YME1L1: variants seen among roughly 807,000 people sequenced by gnomAD.
The protein encoded by YME1L1 is ATP-dependent zinc metalloprotease YME1L1.
Under a neutral mutation model 90.4 loss-of-function variants are expected in YME1L1, and 39 were observed. The ratio of observed to expected loss-of-function variants is 0.43; its 90% confidence interval spans 0.33 to 0.56. YME1L1 has a LOEUF of 0.56. Ranked by LOEUF, YME1L1 falls within the 20% of genes least tolerant of loss-of-function variation. The probability of loss-of-function intolerance (pLI) is 0.03; values close to 1 mark genes in which losing one functional copy is unlikely to be tolerated. For missense variants in YME1L1, 617 were observed against 868.4 expected, an observed-to-expected ratio of 0.71 and a Z score of 3.64; for synonymous variants, 284 against 287.3, an observed-to-expected ratio of 0.99 and a Z score of 0.12.
In YME1L1 at chr10:27,112,026, G is replaced by T; in HGVS notation, c.2102C>A (p.Ala701Asp). 1 of 1,613,964 alleles carries T rather than the reference G, an allele frequency of 6.2e-7. No homozygotes were observed. The highest frequency in any genetic ancestry group is 8.5e-7 in the Non-Finnish European group (1 of 1,179,976). Residue 701 changes from alanine to aspartate, a missense_variant, in exon 19 of 19, where the codon GCC becomes GAC. Coordinates refer to ENST00000376016, the MANE Select transcript of YME1L1 (RefSeq NM_014263.4). Reference sequence around the variant, plus strand: ...CTCAAGAACAATTTGAATCTCTTTGGCATCCAAAGTCTCATAGGTCAATAA... The same window carrying T: ...CTCAAGAACAATTTGAATCTCTTTGTCATCCAAAGTCTCATAGGTCAATAA... ...EALLTYETLDAKEIQIVLEGK... is the reference protein window; with the variant it reads ...EALLTYETLDDKEIQIVLEGK...
chr10:27,112,114 A>G lies in YME1L1; in HGVS notation c.2014T>C (p.Tyr672His), dbSNP rs749569974. The G allele has an allele frequency of 1.2e-6, 2 of 1,612,746 alleles. No individual in the cohort carries two copies. Among genetic ancestry groups the G allele is most frequent in the Admixed American group, 1.7e-5 (1 of 59,734 alleles). The change falls in exon 19 of 19, where the codon TAT becomes CAT. Residue 672 changes from tyrosine to histidine, a missense_variant. Tyr to His is a moderately conservative substitution (Grantham distance 83). This residue lies in a region of YME1L1 where 212 missense variants were observed against 330.0 expected (regional missense o/e 0.64). Coordinates refer to ENST00000376016, the MANE Select transcript of YME1L1 (RefSeq NM_014263.4). ...TTCAAGATATGTTTTGCTCGTTCAT[A>G]TGAGTCCTGAAACAGAAAAGGAGAT... ...QEIRILLRDSYERAKHILKTH... is the reference protein window; with the variant it reads ...QEIRILLRDSHERAKHILKTH...
At chr10:27,150,027 G>A (rs1005163795) in intron 1 of YME1L1, among the ~76,000 whole-genome samples, 1 of 151,982 alleles carries the variant, frequency 6.6e-6, no homozygotes, top group African/African-American at 2.4e-5. Flanking sequence ...AGTGAGCCAA[G>A]ATCATGCCAT....
At chr10:27,133,068 C>T (rs2056992903) in intron 7 of YME1L1, among the ~76,000 whole-genome samples, 1 of 152,262 alleles carries the variant, frequency 6.6e-6, no homozygotes, top group South Asian at 2.1e-4. Context: ...TAATTGGTCA[C>T]AGGTCTACAC....
chr10:27,130,515 C>G (rs12571792), intron 8 of YME1L1, among the ~76,000 whole-genome samples: 36,662 of 152,064 alleles, frequency 0.24, 4,985 homozygotes, highest in East Asian at 0.56. Flanking sequence ...ATACCTAAAA[C>G]TAAATTTCTA....
At chr10:27,131,723 C>T (rs1588598847) in intron 8 of YME1L1, 136 bp downstream of exon 8, 1 of 619,658 alleles carries the variant, frequency 1.6e-6, no homozygotes, top group East Asian at 2.9e-5. Context: ...TTATTTATCC[C>T]AAAATACTAA....
intron 2 of YME1L1, among the ~76,000 whole-genome samples, chr10:27,148,043 C>CT (rs781699844): frequency 2.6e-5 from 4 of 152,116 alleles, no homozygotes; most frequent in Non-Finnish European, 5.9e-5. Context: ...CTTCCTGACT[C>CT]TATCTCAGCC....
intron 4 of YME1L1, among the ~76,000 whole-genome samples, 179 bp downstream of exon 4, chr10:27,142,208 T>A (rs2057095625): frequency 6.6e-6 from 1 of 152,142 alleles, no homozygotes; most frequent in South Asian, 2.1e-4. Context: ...AAAATTTAGC[T>A]CCTATATATT....
intron 9 of YME1L1, among the ~76,000 whole-genome samples, chr10:27,125,768 G>A (rs2056912623): frequency 6.6e-6 from 1 of 151,868 alleles, no homozygotes; most frequent in East Asian, 1.9e-4. Context: ...AGCCTCCTGA[G>A]TAGCTGGGAT....
At chr10:27,118,475 G>A (rs2135845701) in intron 14 of YME1L1, among the ~76,000 whole-genome samples, 1 of 152,124 alleles carries the variant, frequency 6.6e-6, no homozygotes, top group East Asian at 1.9e-4. Flanking sequence ...TAGAGATGGA[G>A]TCTTGCTATG....
chr10:27,114,569 A>C lies in YME1L1; in HGVS notation c.1959T>G (p.Ser653Arg). 2 of 1,613,988 alleles carry C rather than the reference A, an allele frequency of 1.2e-6. No individual in the cohort carries two copies. The highest frequency in any genetic ancestry group is 1.7e-6 in the Non-Finnish European group (2 of 1,179,960). The change falls in exon 18 of 19, where the codon AGT becomes AGG. Residue 653 changes from serine (S) to arginine (R), a missense_variant. Ser to Arg is a moderately radical substitution (Grantham distance 110, BLOSUM62 -1). Transcript: ENST00000376016. ...GTTCGATGGCAGATTGGGTTTCTGG[A>C]CTTAGTTTCCCTGTATCACTGTAGG... is the stretch of plus-strand genomic sequence containing the variant. ...VMTYSDTGKL[S>R]PETQSAIEQE...
At chr10:27,138,201 A>C (rs894163147) in intron 4 of YME1L1, among the ~76,000 whole-genome samples, 2 of 152,070 alleles carry the variant, frequency 1.3e-5, no homozygotes, top group African/African-American at 4.8e-5. Context: ...TAAATTTTTT[A>C]ATTTTAGTTA....
chr10:27,145,010 G>T (rs964929346), intron 3 of YME1L1, among the ~76,000 whole-genome samples: 1 of 152,008 alleles, frequency 6.6e-6, no homozygotes, highest in African/African-American at 2.4e-5. Context: ...GCGTGGTGGC[G>T]GGCGCCTGTA....
rs2056995287 is a variant in YME1L1 at position 27,133,338 on chromosome 10, A to G, written c.775+701T>C. Reference sequence around the variant, plus strand: ...TCTTAAGTCTTTCCCACTCAGGTAGAAACTTCCAAACTAGAGCAGTTATAA... The same window carrying G: ...TCTTAAGTCTTTCCCACTCAGGTAGGAACTTCCAAACTAGAGCAGTTATAA... On this transcript the variant is annotated intron_variant, in intron 7 of 18. Transcript: ENST00000376016. Among the ~76,000 whole-genome samples, 3 of 152,226 alleles carry G rather than the reference A, an allele frequency of 2.0e-5. No homozygotes were observed. In the South Asian group the frequency reaches 6.2e-4, roughly 32 times the overall value.
chr10:27,143,939 A>G (rs1385218482), intron 3 of YME1L1, among the ~76,000 whole-genome samples: 2 of 152,170 alleles, frequency 1.3e-5, no homozygotes, highest in African/African-American at 4.8e-5. Flanking sequence ...TCTCTTGACT[A>G]GTGTGTCTCA....
chr10:27,121,296 G>A (rs1056440383), intron 12 of YME1L1, 90 bp downstream of exon 12: 19 of 887,572 alleles, frequency 2.1e-5, no homozygotes, highest in African/African-American at 2.0e-4. Context: ...GAATCATACA[G>A]TGTTGATGTG....
chr10:27,126,714 C>A lies in YME1L1; in HGVS notation c.931G>T (p.Gly311Ter). ...LKNPQKFTIL[G>*]GKLPKGILLV... is the part of the protein sequence containing the mutation. The stretch of plus-strand genomic sequence containing the variant: ...ATCTTACCTTTTGGAAGTTTACCTC[C>A]AAGAATAGTAAATTTTTGTGGATTT... Residue 311 changes from glycine to a stop codon, truncating the protein, a stop_gained, in exon 9 of 19, where the codon GGA becomes TGA. Transcript: ENST00000376016. LOFTEE classifies it high-confidence loss of function. 1 of 1,568,368 alleles carries A rather than the reference C, an allele frequency of 6.4e-7. No homozygotes were observed. Among genetic ancestry groups the A allele is most frequent in the South Asian group, 1.2e-5 (1 of 82,684 alleles).
intron 8 of YME1L1, among the ~76,000 whole-genome samples, chr10:27,131,178 A>G (rs547046172): frequency 4.6e-5 from 7 of 152,320 alleles, no homozygotes; most frequent in Non-Finnish European, 1.0e-4. Flanking sequence ...GCCTTCTCTC[A>G]AAACTCCCAA....
intron 9 of YME1L1, among the ~76,000 whole-genome samples, chr10:27,124,058 G>T (rs938530721): frequency 6.6e-6 from 1 of 152,130 alleles, no homozygotes. Flanking sequence ...CTGATTTGAT[G>T]CTTTTTCATA....
In YME1L1 at chr10:27,154,271, C is replaced by T. The variant is rs1450868814; in HGVS notation, c.-61G>A. 2.6e-6 allele frequency: 4 copies of T among 1,557,670 alleles called. No homozygotes were observed. The African/African-American group carries it at 5.4e-5, about 21-fold the overall frequency. Reference sequence around the variant, plus strand: ...GAAACTGTGCCCCTCTGTCCACGGCCCGGCGGGGAGGCGCTGAGCCCTTCT... The same window carrying T: ...GAAACTGTGCCCCTCTGTCCACGGCTCGGCGGGGAGGCGCTGAGCCCTTCT... On this transcript the variant is annotated 5_prime_UTR_variant, in exon 1 of 19. Coordinates refer to ENST00000376016, the MANE Select transcript of YME1L1 (RefSeq NM_014263.4).
Sources: gnomAD v4.1 joint callset for allele counts (sites outside exome capture counted in the v4.1 genomes callset) on GRCh38, gnomAD v4.1.1 for gene constraint, gnomAD v4.1.1 regional missense constraint, MANE v1.5 for transcripts, NCBI Gene and HGNC (gene_info 2026-07-23, HGNC 2026-07-21) for gene names.